DNER: variants seen among roughly 807,000 people sequenced by gnomAD.
DNER encodes the protein delta/notch like EGF repeat containing, also known as delta and Notch-like epidermal growth factor-related receptor.
In DNER, 33 loss-of-function variants were observed where a neutral mutation model predicts 78.2. The ratio of observed to expected loss-of-function variants is 0.42; its 90% confidence interval spans 0.32 to 0.56. DNER has a LOEUF of 0.56. Ranked by LOEUF, DNER falls within the 20% of genes least tolerant of loss-of-function variation. The probability of loss-of-function intolerance (pLI) is 0.11; values close to 1 mark genes in which losing one functional copy is unlikely to be tolerated. For missense variants in DNER, 918 were observed against 975.3 expected (o/e 0.94, Z 0.78); for synonymous variants, 417 against 384.8 (o/e 1.08, Z -0.98).
At chr2:229,657,413 T>C (rs995055729) in intron 1 of DNER, among the ~76,000 whole-genome samples, 2 of 152,192 alleles carry the variant, frequency 1.3e-5, no homozygotes, top group African/African-American at 4.8e-5. Context: ...GTTGGTTCTA[T>C]ACCTTGTCTA....
At chr2:229,418,371 G>C (rs1326022292) in intron 8 of DNER, 141 bp from the exon 9 acceptor site, 1 of 1,203,880 alleles carries the variant, frequency 8.3e-7, no homozygotes, top group Non-Finnish European at 1.1e-6. Context: ...TAGATCTCTT[G>C]GGGTAAAGTT....
chr2:229,552,623 A>G (rs1438956803), intron 4 of DNER, among the ~76,000 whole-genome samples: 3 of 152,070 alleles, frequency 2.0e-5, no homozygotes, highest in African/African-American at 7.2e-5. Context: ...GCGAAGAAGG[A>G]CATGTTTGCT....
intron 1 of DNER, among the ~76,000 whole-genome samples, chr2:229,602,544 A>G (rs1048613476): frequency 3.9e-5 from 6 of 152,318 alleles, no homozygotes; most frequent in Non-Finnish European, 7.4e-5. Flanking sequence ...TAAGCTGTCA[A>G]TTACAGACTG....
At position 229,700,778 on chromosome 2, in the gene DNER, G is replaced by A. The variant is rs192919108; in HGVS notation, c.276+13370C>T. ...AAATACAAAAAAAAAAAAATTAGCC[G>A]GGTATGGTGGCACACACCTGTAGTC... On this transcript the variant is annotated intron_variant, in intron 1 of 12. Coordinates refer to ENST00000341772, the MANE Select transcript of DNER (RefSeq NM_139072.4). Among the ~76,000 whole-genome samples the A allele has an allele frequency of 4.7e-4, 72 of 151,734 alleles. No homozygotes were observed. In the East Asian group the frequency reaches 9.9e-3, roughly 21 times the overall value.
chr2:229,665,859 T>C (rs137894858), intron 1 of DNER, among the ~76,000 whole-genome samples: 219 of 152,296 alleles, frequency 1.4e-3, no homozygotes, highest in African/African-American at 5.0e-3. Flanking sequence ...AGTCTAGGCC[T>C]TTATCTGGCA....
In DNER at chr2:229,502,458, G is replaced by A. The variant is rs1016940928; in HGVS notation, c.1147+10325C>T. On this transcript the variant is annotated intron_variant, in intron 6 of 12. Transcript: ENST00000341772. ...GTCAATAAGAGAGACAGAGACTGCC[G>A]ATGGCTATGGGGCAGATTCTCTGTG... Among the ~76,000 whole-genome samples the A allele has an allele frequency of 3.9e-5, 6 of 152,192 alleles. No homozygotes were observed. The East Asian group carries it at 7.7e-4, about 20-fold the overall frequency.
chr2:229,386,989 G>C (rs1355320136), intron 11 of DNER, among the ~76,000 whole-genome samples: 5 of 152,032 alleles, frequency 3.3e-5, no homozygotes, highest in African/African-American at 9.6e-5. Context: ...TATACCCAAA[G>C]GATTATAAAT....
At chr2:229,458,003 G>A (rs1694612542) in intron 7 of DNER, among the ~76,000 whole-genome samples, 1 of 151,358 alleles carries the variant, frequency 6.6e-6, no homozygotes, top group Admixed American at 6.6e-5. Flanking sequence ...AGGTGTGGTG[G>A]TGTGCACCTG....
intron 9 of DNER, among the ~76,000 whole-genome samples, chr2:229,408,155 A>T (rs60954419): frequency 0.025 from 3,608 of 146,980 alleles, 46 homozygotes; most frequent in African/African-American, 0.041. Context: ...TACTTTTTTT[A>T]AAAAAAAAAG....
At chr2:229,586,849 G>T in intron 3 of DNER, 1 of 985,490 alleles carries the variant, frequency 1.0e-6, no homozygotes, top group Non-Finnish European at 1.2e-6. Context: ...GCACAGATCC[G>T]CTCCCCCAGC....
At chr2:229,644,183 T>C (rs575549874) in intron 1 of DNER, among the ~76,000 whole-genome samples, 1 of 152,208 alleles carries the variant, frequency 6.6e-6, no homozygotes, top group Non-Finnish European at 1.5e-5. Context: ...TAGTTGTATA[T>C]ATTTATGAGG....
intron 6 of DNER, among the ~76,000 whole-genome samples, chr2:229,480,787 C>T (rs1489073193): frequency 6.6e-6 from 1 of 152,214 alleles, no homozygotes; most frequent in African/African-American, 2.4e-5. Flanking sequence ...CCATATTCAA[C>T]ACTTTGTCAT....
Position 229,362,131 on chromosome 2 carries a change from T to A in DNER, c.2103-3480A>T, listed in dbSNP as rs138430014. Among the ~76,000 whole-genome samples, 5 of 152,280 alleles carry A rather than the reference T, an allele frequency of 3.3e-5. No homozygotes were observed. In the East Asian group the frequency reaches 9.7e-4, roughly 29 times the overall value. ...TGTGGTGGCTCCATCTGCGGCTCCTTCCTAGCCCCTCGAGGGGTGATGCAT... is the reference window on the plus strand; with the variant it reads ...TGTGGTGGCTCCATCTGCGGCTCCTACCTAGCCCCTCGAGGGGTGATGCAT... On this transcript the variant is annotated intron_variant, in intron 12 of 12. Coordinates refer to ENST00000341772, the MANE Select transcript of DNER (RefSeq NM_139072.4).
At chr2:229,671,037 G>T (rs900809642) in intron 1 of DNER, among the ~76,000 whole-genome samples, 7 of 152,120 alleles carry the variant, frequency 4.6e-5, no homozygotes, top group African/African-American at 1.7e-4. Flanking sequence ...TATTTCCAAA[G>T]TTTTTTTATT....
chr2:229,591,885 C>G lies in DNER; in HGVS notation c.280G>C (p.Val94Leu). ...AGISGANCQLVADPCASNPCH... is the reference protein window; with the variant it reads ...AGISGANCQLLADPCASNPCH... ...GGGTTGCTGGCACAAGGATCTGCAA[C>G]AAGCTGAAACGAGACCATAAATGGG... Residue 94 changes from valine (V) to leucine (L), a missense_variant, in exon 2 of 13, where the codon GTT (valine) becomes CTT (leucine). Coordinates refer to ENST00000341772, the MANE Select transcript of DNER (RefSeq NM_139072.4). The surrounding 1 kb of genome is among the most constrained non-coding windows in gnomAD (Gnocchi z 4.6). 1 of 1,565,340 alleles carries G rather than the reference C, an allele frequency of 6.4e-7. No individual in the cohort carries two copies. The highest frequency in any genetic ancestry group is 1.4e-5 in the African/African-American group (1 of 73,738).
At chr2:229,419,262 C>G (rs1693714484) in intron 8 of DNER, among the ~76,000 whole-genome samples, 1 of 152,154 alleles carries the variant, frequency 6.6e-6, no homozygotes, top group African/African-American at 2.4e-5. Flanking sequence ...GAGATTCATT[C>G]ATGAGGGTTA....
At chr2:229,536,923 G>T (rs1696414845) in intron 5 of DNER, among the ~76,000 whole-genome samples, 1 of 152,096 alleles carries the variant, frequency 6.6e-6, no homozygotes, top group South Asian at 2.1e-4. Context: ...CTCAAACTTT[G>T]CTCTGGAGAC....
At chr2:229,371,676 A>C (rs148039601) in intron 11 of DNER, among the ~76,000 whole-genome samples, 1 of 152,160 alleles carries the variant, frequency 6.6e-6, no homozygotes, top group Non-Finnish European at 1.5e-5. Context: ...AATCAGACCC[A>C]CCTCCACTCT....
chr2:229,579,252 C>G (rs910620105), intron 4 of DNER, among the ~76,000 whole-genome samples: 6 of 152,128 alleles, frequency 3.9e-5, no homozygotes, highest in African/African-American at 1.4e-4. Flanking sequence ...ACAACCCTGT[C>G]TTGGGCACTT....
Sources: gnomAD v4.1 joint callset for allele counts (sites outside exome capture counted in the v4.1 genomes callset) on GRCh38, gnomAD v4.1.1 for gene constraint, Gnocchi (gnomAD v3.1) non-coding constraint, MANE v1.5 for transcripts, NCBI Gene and HGNC (gene_info 2026-07-23, HGNC 2026-07-21) for gene names.